FAAH2: variants seen among roughly 807,000 people sequenced by gnomAD.
FAAH2 encodes fatty-acid amide hydrolase 2.
In FAAH2, 60 loss-of-function variants were observed where a neutral mutation model predicts 36.9. The ratio of observed to expected loss-of-function variants is 1.63; its 90% confidence interval spans 1.32 to 2.02. The LOEUF is 2.02. Ranked by LOEUF, FAAH2 falls within the 30% of genes most tolerant of loss-of-function variation. FAAH2 has a pLI of 0.00. For synonymous variants in FAAH2, 214 were observed against 143.8 expected, an observed-to-expected ratio of 1.49 and a Z score of -3.49; for missense variants, 689 against 397.5, an observed-to-expected ratio of 1.73 and a Z score of -6.23.
At chrX:57,423,309 G>T (rs1353159530) in intron 7 of FAAH2, among the ~76,000 whole-genome samples, 1 of 111,851 alleles carries the variant, frequency 8.9e-6, no homozygotes, top group Non-Finnish European at 1.9e-5. Flanking sequence ...TTCATGGACA[G>T]AACTGAGAGG....
chrX:57,220,187 C>A, the FAAH2 span, among the ~76,000 whole-genome samples: 1 of 108,903 alleles, frequency 9.2e-6, no homozygotes, highest in Non-Finnish European at 1.9e-5. Context: ...CCCTCCCAGC[C>A]CCTACCTCTT....
intron 5 of FAAH2, among the ~76,000 whole-genome samples, chrX:57,348,724 C>A (rs768370333): frequency 9.0e-6 from 1 of 111,355 alleles, no homozygotes; most frequent in African/African-American, 3.3e-5. Context: ...CTGCTGCATG[C>A]GTCTTGAGCC....
At chrX:57,169,895 A>C in the FAAH2 span, among the ~76,000 whole-genome samples, 12 of 103,110 alleles carry the variant, frequency 1.2e-4, no homozygotes, top group African/African-American at 3.7e-4. Context: ...CACACACACA[A>C]ACACACACAC....
rs1012839976 is a variant in FAAH2 at position 57,393,186 on chromosome X, C to T, written c.996+12157C>T. On this transcript the variant is annotated intron_variant, in intron 7 of 10. Transcript: ENST00000374900. ...TCTGTCTTGAATGCATTCACGGCCA[C>T]TACTACTGGAATTCCAAACATTCTG... is the stretch of plus-strand genomic sequence containing the variant. The T allele has an allele frequency of 1.1e-5, 13 of 1,189,951 alleles. No individual in the cohort carries two copies. In the African/African-American group the frequency reaches 2.3e-4, roughly 21 times the overall value.
chrX:57,337,410 G>A (rs1025001631), intron 4 of FAAH2, among the ~76,000 whole-genome samples: 1 of 110,923 alleles, frequency 9.0e-6, no homozygotes, highest in Non-Finnish European at 1.9e-5. Flanking sequence ...ATTTTATGAG[G>A]CCAGCATCAT....
rs138519476 is a variant in FAAH2, at chrX:57,331,610, C to G, written c.425C>G (p.Ser142Cys). The G allele has an allele frequency of 8.3e-7, 1 of 1,209,753 alleles. No homozygotes were observed. The highest frequency in any genetic ancestry group is 2.2e-5 in the Admixed American group (1 of 45,933). Residue 142 changes from serine to cysteine, a missense_variant, in exon 4 of 11, where the codon TCT becomes TGT. Transcript: ENST00000374900. ...EAFQLQGMPN[S>C]SGLMNRRDAI... ...GTGACTCTTTTAGGAATGCCCAATT[C>G]TTCTGGACTCATGAACCGTCGTGAT...
intron 10 of FAAH2, among the ~76,000 whole-genome samples, chrX:57,483,919 C>T (rs2057426755): frequency 9.2e-6 from 1 of 108,585 alleles, no homozygotes; most frequent in Admixed American, 1.0e-4. Flanking sequence ...CCTGCCTCAG[C>T]CTCCCAAGTA....
At chrX:57,158,162 T>C in the FAAH2 span, among the ~76,000 whole-genome samples, 1 of 111,822 alleles carries the variant, frequency 8.9e-6, no homozygotes, top group Non-Finnish European at 1.9e-5. Flanking sequence ...TCCATGTCCC[T>C]ACAAAGGACA....
chrX:57,180,443 A>G, the FAAH2 span, among the ~76,000 whole-genome samples: 14 of 112,037 alleles, frequency 1.2e-4, no homozygotes, highest in South Asian at 2.2e-3. Flanking sequence ...ATAAACACTC[A>G]GAAATATTAT....
chrX:57,342,491 A>G (rs1186283965), intron 5 of FAAH2, among the ~76,000 whole-genome samples: 1 of 111,679 alleles, frequency 9.0e-6, no homozygotes, highest in Non-Finnish European at 1.9e-5. Flanking sequence ...CTATGTAACA[A>G]ACCTGCACAT....
intron 2 of FAAH2, among the ~76,000 whole-genome samples, chrX:57,302,978 C>A (rs1454993702): frequency 9.0e-6 from 1 of 111,418 alleles, no homozygotes; most frequent in Non-Finnish European, 1.9e-5. Flanking sequence ...TAAGGGTATC[C>A]AATTTCCTTT....
chrX:57,166,128 C>G, the FAAH2 span, among the ~76,000 whole-genome samples: 1 of 109,458 alleles, frequency 9.1e-6, no homozygotes, highest in Admixed American at 9.7e-5. Flanking sequence ...TGGGGGTGGT[C>G]GGAGGAGAGT....
At chrX:57,134,059 G>T in the FAAH2 span, among the ~76,000 whole-genome samples, 1 of 111,269 alleles carries the variant, frequency 9.0e-6, no homozygotes, top group Non-Finnish European at 1.9e-5. Context: ...GCAGAAACTA[G>T]TGGGCGGGTT....
At chrX:57,151,120 TGA>T in the FAAH2 span, among the ~76,000 whole-genome samples, 1 of 112,647 alleles carries the variant, frequency 8.9e-6, no homozygotes, top group Non-Finnish European at 1.9e-5. Flanking sequence ...GAGTTTCTGC[TGA>T]GAGATCCACT....
the FAAH2 span, among the ~76,000 whole-genome samples, chrX:57,152,112 C>T: frequency 1.7e-4 from 19 of 111,733 alleles, no homozygotes; most frequent in African/African-American, 5.9e-4. Context: ...ATGCTGCTGC[C>T]TGATCATTCC....
At chrX:57,463,934 C>T (rs1602748788) in intron 10 of FAAH2, among the ~76,000 whole-genome samples, 1 of 111,206 alleles carries the variant, frequency 9.0e-6, no homozygotes, top group South Asian at 3.8e-4. Flanking sequence ...AATCATTCTA[C>T]TATAAAGACA....
the FAAH2 span, among the ~76,000 whole-genome samples, chrX:57,173,695 T>G: frequency 1.8e-5 from 2 of 111,990 alleles, no homozygotes; most frequent in Non-Finnish European, 3.8e-5. Context: ...AGTATGATGT[T>G]GGCTGTGGGT....
chrX:57,433,720 T>A (rs747190354), intron 8 of FAAH2, among the ~76,000 whole-genome samples: 1 of 112,486 alleles, frequency 8.9e-6, no homozygotes, highest in Non-Finnish European at 1.9e-5. Context: ...ATTTCTTCTC[T>A]TTTTATACTC....
At chrX:57,295,433 T>G (rs2052108446) in intron 2 of FAAH2, among the ~76,000 whole-genome samples, 1 of 111,893 alleles carries the variant, frequency 8.9e-6, no homozygotes, top group Middle Eastern at 4.6e-3. Flanking sequence ...CAAAGGAAAG[T>G]TTAGTTTTCT....
Sources: gnomAD v4.1 joint callset for allele counts (sites outside exome capture counted in the v4.1 genomes callset) on GRCh38, gnomAD v4.1.1 for gene constraint, MANE v1.5 for transcripts, NCBI Gene and HGNC (gene_info 2026-07-23, HGNC 2026-07-21) for gene names.